Variants in SBF2 observed in about 807,000 individuals in gnomAD.
The protein encoded by SBF2 is myotubularin-related protein 13.
SBF2 carries 112 observed loss-of-function variants against 225.2 expected under a neutral mutation model. That is an observed-to-expected ratio of 0.50 (90% CI 0.43 to 0.58). SBF2 has a LOEUF of 0.58. Ranked by LOEUF, SBF2 falls within the 20% of genes least tolerant of loss-of-function variation. The pLI is 0.00. For synonymous variants in SBF2, 763 were observed against 773.3 expected, an observed-to-expected ratio of 0.99 and a Z score of 0.22; for missense variants, 1,996 against 2,206.2, an observed-to-expected ratio of 0.90 and a Z score of 1.91.
At chr11:10,068,890 G>A (rs540119306) in intron 2 of SBF2, among the ~76,000 whole-genome samples, 26 of 151,988 alleles carry the variant, frequency 1.7e-4, no homozygotes, top group African/African-American at 2.7e-4. Context: ...TTTTATTGCC[G>A]AAAGCCCAAA....
chr11:10,124,642 T>C (rs1953651858), intron 2 of SBF2, among the ~76,000 whole-genome samples: 1 of 152,212 alleles, frequency 6.6e-6, no homozygotes, highest in Admixed American at 6.5e-5. Flanking sequence ...ATTTTTCTAA[T>C]GTGTGAAAAT....
At chr11:10,162,320 C>T (rs779073932) in intron 2 of SBF2, among the ~76,000 whole-genome samples, 1 of 151,938 alleles carries the variant, frequency 6.6e-6, no homozygotes, top group African/African-American at 2.4e-5. Flanking sequence ...GTGGAACTAA[C>T]CGAAATCTCT....
At chr11:9,983,262 C>G (rs12575490) in intron 13 of SBF2, among the ~76,000 whole-genome samples, 5,373 of 152,264 alleles carry the variant, frequency 0.035, 316 homozygotes, top group East Asian at 0.3. Context: ...GAGAAACTGG[C>G]CCTTCTGTTT....
chr11:9,888,580 A>C (rs1015679857), intron 17 of SBF2, among the ~76,000 whole-genome samples: 10 of 152,164 alleles, frequency 6.6e-5, no homozygotes, highest in African/African-American at 2.4e-4. Flanking sequence ...GGTAAACCAT[A>C]ACAACTTGAC....
chr11:10,135,323 C>A (rs965685672), intron 2 of SBF2, among the ~76,000 whole-genome samples: 14 of 152,040 alleles, frequency 9.2e-5, no homozygotes, highest in Non-Finnish European at 1.3e-4. Context: ...GGGGCTGCCA[C>A]AGAGGTCTCT....
At chr11:10,017,305 A>T (rs1334700372) in intron 6 of SBF2, among the ~76,000 whole-genome samples, 1 of 152,246 alleles carries the variant, frequency 6.6e-6, no homozygotes, top group Non-Finnish European at 1.5e-5. Flanking sequence ...GTGGAACTGA[A>T]GACCATGTTT....
intron 3 of SBF2, among the ~76,000 whole-genome samples, chr11:10,036,716 T>C (rs563210953): frequency 6.6e-6 from 1 of 152,296 alleles, no homozygotes; most frequent in East Asian, 1.9e-4. Flanking sequence ...TACTTCTCTT[T>C]CCAGTATCCT....
chr11:10,042,117 T>A (rs1476709475), intron 3 of SBF2, among the ~76,000 whole-genome samples: 1 of 152,200 alleles, frequency 6.6e-6, no homozygotes, highest in East Asian at 1.9e-4. Context: ...AAGGTTATAA[T>A]GTCTGATATA....
intron 2 of SBF2, among the ~76,000 whole-genome samples, chr11:10,064,112 T>C (rs1025822746): frequency 6.6e-6 from 1 of 152,124 alleles, no homozygotes; most frequent in Non-Finnish European, 1.5e-5. Context: ...GATGATTGAC[T>C]ATATAAATAA....
rs1590172504 is a variant in SBF2, at chr11:9,829,602, A to G, written c.3653-106T>C. ...TATCTATCTATGCTTATTTTTCTCT[A>G]TATAGTCTACAAGTTACCACACCCA... is the stretch of plus-strand genomic sequence containing the variant. On this transcript the variant is annotated intron_variant, in intron 27 of 39. Transcript: ENST00000256190. 4 of 1,047,298 alleles carry G rather than the reference A, an allele frequency of 3.8e-6. No homozygotes were observed. In the East Asian group the frequency reaches 1.0e-4, roughly 27 times the overall value. 64.9% of individuals were successfully genotyped at this position (1,047,298 alleles called of 1,614,324 possible).
chr11:9,871,085 G>A (rs183742715), intron 17 of SBF2, among the ~76,000 whole-genome samples: 5 of 151,918 alleles, frequency 3.3e-5, no homozygotes, highest in Admixed American at 3.3e-4. Flanking sequence ...ATATAGGCAT[G>A]AGCAAAGATT....
intron 2 of SBF2, among the ~76,000 whole-genome samples, chr11:10,173,792 C>T (rs1338448879): frequency 6.7e-6 from 1 of 149,642 alleles, no homozygotes; most frequent in Non-Finnish European, 1.5e-5. Context: ...CAGTGGTTCT[C>T]CCAGCACGCA....
chr11:10,066,804 T>C (rs187656782), intron 2 of SBF2, among the ~76,000 whole-genome samples: 1 of 152,320 alleles, frequency 6.6e-6, no homozygotes, highest in African/African-American at 2.4e-5. Context: ...GGAACCCGAT[T>C]GCTGAAAATC....
At position 10,054,405 on chromosome 11, in the gene SBF2, A is replaced by T. The variant is rs144355338; in HGVS notation, c.142-11424T>A. ...AAAAAAGATCCTATTTGTAATCTTA[A>T]TATGTTCTCAAAGACAAAGGATAAG... On this transcript the variant is annotated intron_variant, in intron 2 of 39. Transcript: ENST00000256190. Among the ~76,000 whole-genome samples the T allele has an allele frequency of 5.4e-4, 83 of 152,352 alleles. 2 individuals carry two copies. In the East Asian group the frequency reaches 0.016, roughly 29 times the overall value.
chr11:9,937,701 T>C (rs1226173407), intron 16 of SBF2, among the ~76,000 whole-genome samples: 1 of 152,126 alleles, frequency 6.6e-6, no homozygotes, highest in African/African-American at 2.4e-5. Flanking sequence ...TTGGTATTAT[T>C]GCATGTCTAG....
In SBF2 at chr11:9,900,674, A is replaced by G. The variant is rs191601383; in HGVS notation, c.1861-4663T>C. ...GCCTTGCTGAGAAAAAGACAATTTT[A>G]TATTTGAGTGCTATTTCTTTTGCGG... On this transcript the variant is annotated intron_variant, in intron 16 of 39. Transcript: ENST00000256190. Among the ~76,000 whole-genome samples, 388 of 152,306 alleles carry G rather than the reference A, an allele frequency of 2.5e-3. 1 individual carries two copies. The highest frequency in any genetic ancestry group is 8.8e-3 in the African/African-American group (366 of 41,578).
At chr11:10,243,674 A>C (rs183115512) in intron 1 of SBF2, among the ~76,000 whole-genome samples, 6 of 152,138 alleles carry the variant, frequency 3.9e-5, no homozygotes, top group Admixed American at 6.5e-5. Flanking sequence ...GATTGTGTAC[A>C]ATTATATGCC....
At chr11:10,139,587 A>T (rs1954547740) in intron 2 of SBF2, among the ~76,000 whole-genome samples, 1 of 152,192 alleles carries the variant, frequency 6.6e-6, no homozygotes, top group South Asian at 2.1e-4. Flanking sequence ...TTTACATTAG[A>T]CTGCTTCAGA....
chr11:10,224,934 G>A (rs1367241509), intron 1 of SBF2, among the ~76,000 whole-genome samples: 1 of 152,142 alleles, frequency 6.6e-6, no homozygotes, highest in Non-Finnish European at 1.5e-5. Context: ...TACAATAAGA[G>A]TAAGTGATGG....
Sources: gnomAD v4.1 joint callset for allele counts (sites outside exome capture counted in the v4.1 genomes callset) on GRCh38, gnomAD v4.1.1 for gene constraint, MANE v1.5 for transcripts, NCBI Gene and HGNC (gene_info 2026-07-23, HGNC 2026-07-21) for gene names.